Variants in NFATC3 observed in about 807,000 individuals in gnomAD.
NFATC3 encodes nuclear factor of activated T cells 3, also known as nuclear factor of activated T-cells, cytoplasmic 3.
In NFATC3, 46 loss-of-function variants were observed where a neutral mutation model predicts 98.6. The ratio of observed to expected loss-of-function variants is 0.47; its 90% CI spans 0.37 to 0.60. NFATC3 has a LOEUF of 0.60. Ranked by LOEUF, NFATC3 falls within the 20% of genes least tolerant of loss-of-function variation. NFATC3 has a pLI of 0.00. For missense variants in NFATC3, 1,256 were observed against 1,295.5 expected, an observed-to-expected ratio of 0.97 and a Z score of 0.47; for synonymous variants, 512 against 472.2, an observed-to-expected ratio of 1.08 and a Z score of -1.09.
intron 9 of NFATC3, among the ~76,000 whole-genome samples, chr16:68,223,975 G>C (rs1473331426): frequency 6.6e-6 from 1 of 150,798 alleles, no homozygotes; most frequent in African/African-American, 2.4e-5. Flanking sequence ...GGCCAGGCGC[G>C]GGGGCTCATG....
At chr16:68,134,601 G>T (rs183383504) in intron 3 of NFATC3, among the ~76,000 whole-genome samples, 2 of 152,128 alleles carry the variant, frequency 1.3e-5, no homozygotes, top group East Asian at 3.9e-4. Flanking sequence ...ATACATTGTT[G>T]ATTAGAGGTG....
intron 4 of NFATC3, among the ~76,000 whole-genome samples, chr16:68,163,110 A>G (rs1244551843): frequency 6.6e-6 from 1 of 152,228 alleles, no homozygotes; most frequent in Admixed American, 6.5e-5. Flanking sequence ...AGTACAGAAC[A>G]AAATGAAAAG....
chr16:68,156,231 C>T (rs2038606388), intron 3 of NFATC3, among the ~76,000 whole-genome samples: 1 of 152,136 alleles, frequency 6.6e-6, no homozygotes, highest in African/African-American at 2.4e-5. Flanking sequence ...AGGAGAATCG[C>T]TTGACCCTGG....
chr16:68,159,944 GGCGGGT>G (rs2038810127), intron 4 of NFATC3, among the ~76,000 whole-genome samples: 1 of 151,900 alleles, frequency 6.6e-6, no homozygotes, highest in Non-Finnish European at 1.5e-5. Flanking sequence ...TGGGTGTGGT[GGCGGGT>G]GTCTGTAATC....
intron 6 of NFATC3, among the ~76,000 whole-genome samples, chr16:68,176,242 C>T (rs1478651094): frequency 6.6e-6 from 1 of 152,158 alleles, no homozygotes; most frequent in Admixed American, 6.5e-5. Flanking sequence ...TCCCAAAGTG[C>T]TGGAATTAGA....
chr16:68,161,461 A>G (rs2038889882), intron 4 of NFATC3, among the ~76,000 whole-genome samples: 1 of 152,196 alleles, frequency 6.6e-6, no homozygotes, highest in Non-Finnish European at 1.5e-5. Context: ...CTGAAAAACC[A>G]CTATTAAAGA....
At chr16:68,097,982 A>T (rs1232358046) in intron 1 of NFATC3, among the ~76,000 whole-genome samples, 2 of 152,026 alleles carry the variant, frequency 1.3e-5, no homozygotes, top group Non-Finnish European at 2.9e-5. Flanking sequence ...TTGGGTGCTG[A>T]CTTCTTGTCA....
intron 4 of NFATC3, among the ~76,000 whole-genome samples, chr16:68,166,594 GC>G: frequency 6.6e-6 from 1 of 152,322 alleles, no homozygotes; most frequent in Admixed American, 6.5e-5. Context: ...GGAAAGGCAT[GC>G]AAGTACTGGA....
At position 68,190,909 on chromosome 16, in the gene NFATC3, T is replaced by G; in HGVS notation, c.2240T>G (p.Leu747Trp). The G allele has an allele frequency of 6.2e-7, 1 of 1,614,234 alleles. No homozygotes were observed. The highest frequency in any genetic ancestry group is 1.3e-5 in the African/African-American group (1 of 75,054). Residue 747 changes from leucine (L) to tryptophan (W), a missense_variant, in exon 9 of 10, where the codon TTG becomes TGG. This residue lies in a region of NFATC3 where 636 missense variants were observed against 617.3 expected (regional missense o/e 1.03). Transcript: ENST00000346183. ...AGTGTACTGTCAGGACAGAGAAGTT[T>G]GATTTGCTCCATCCCACAAACATAT... ...HDSVLSGQRS[L>W]ICSIPQTYAS...
chr16:68,169,986 A>G (rs2151602993), intron 5 of NFATC3, among the ~76,000 whole-genome samples: 1 of 152,216 alleles, frequency 6.6e-6, no homozygotes, highest in East Asian at 1.9e-4. Context: ...GGTGGGATGT[A>G]GAGAAATTCT....
intron 6 of NFATC3, 50 bp downstream of exon 6, chr16:68,174,564 A>G: frequency 2.2e-6 from 3 of 1,380,458 alleles, no homozygotes; most frequent in Non-Finnish European, 2.9e-6. Flanking sequence ...CAAAGGGTAA[A>G]ATAAATTATT....
chr16:68,182,640 A>C (rs2039997538), intron 7 of NFATC3, among the ~76,000 whole-genome samples: 1 of 151,234 alleles, frequency 6.6e-6, no homozygotes, highest in Non-Finnish European at 1.5e-5. Flanking sequence ...CCTGCCTCAG[A>C]CTCCTGAGTA....
chr16:68,137,709 G>T (rs920091081), intron 3 of NFATC3, among the ~76,000 whole-genome samples: 30 of 151,792 alleles, frequency 2.0e-4, no homozygotes, highest in Admixed American at 1.9e-3. Flanking sequence ...CGCCTCCTGG[G>T]TTCACGCCAT....
At chr16:68,224,979 G>A (rs1306962038) in intron 9 of NFATC3, 1 of 151,974 alleles carries the variant, frequency 6.6e-6, no homozygotes, top group Non-Finnish European at 1.5e-5. Context: ...TTGAGACAGA[G>A]TCTCACTCTT....
intron 9 of NFATC3, among the ~76,000 whole-genome samples, chr16:68,193,697 A>T (rs556246471): frequency 5.3e-5 from 8 of 152,064 alleles, no homozygotes; most frequent in Non-Finnish European, 1.2e-4. Flanking sequence ...AGCCCTCCAC[A>T]TATGCAGATT....
intron 1 of NFATC3, among the ~76,000 whole-genome samples, chr16:68,105,850 A>G (rs941520331): frequency 2.0e-5 from 3 of 151,808 alleles, no homozygotes; most frequent in African/African-American, 4.8e-5. Context: ...TAGATTGTCT[A>G]ATTTGTTGGT....
intron 9 of NFATC3, among the ~76,000 whole-genome samples, chr16:68,223,716 G>A (rs1470119700): frequency 6.6e-6 from 1 of 151,812 alleles, no homozygotes; most frequent in Non-Finnish European, 1.5e-5. Flanking sequence ...CCAAGATGGT[G>A]AAACCCTGTC....
chr16:68,215,887 C>T (rs2041618553), intron 9 of NFATC3, among the ~76,000 whole-genome samples: 1 of 151,874 alleles, frequency 6.6e-6, no homozygotes. Flanking sequence ...TGCCACCACG[C>T]CCGGCTAATT....
At chr16:68,111,633 A>C (rs1213188176) in intron 1 of NFATC3, among the ~76,000 whole-genome samples, 1 of 152,100 alleles carries the variant, frequency 6.6e-6, no homozygotes, top group Non-Finnish European at 1.5e-5. Context: ...TTTAAGGTTA[A>C]TATTGTTATG....
Sources: gnomAD v4.1 joint callset for allele counts (sites outside exome capture counted in the v4.1 genomes callset) on GRCh38, gnomAD v4.1.1 for gene constraint, gnomAD v4.1.1 regional missense constraint, MANE v1.5 for transcripts, NCBI Gene and HGNC (gene_info 2026-07-23, HGNC 2026-07-21) for gene names.